The following SNX6 variants were observed in gnomAD, a reference collection of about 807,000 sequenced individuals.
The protein encoded by SNX6 is sorting nexin-6.
SNX6 carries 34 observed loss-of-function variants against 63.0 expected under a neutral mutation model. That is an observed-to-expected ratio of 0.54 (90% CI 0.41 to 0.72). SNX6 has a LOEUF of 0.72. Among genes scored for constraint, SNX6 ranks in the 30% least tolerant of loss-of-function variants. SNX6 has a pLI of 0.00. For synonymous variants in SNX6, 170 were observed against 164.2 expected (o/e 1.04, Z -0.27); for missense variants, 398 against 471.4 (o/e 0.84, Z 1.44).
intron 9 of SNX6, among the ~76,000 whole-genome samples, chr14:34,584,956 G>A (rs1005748157): frequency 2.0e-5 from 3 of 151,786 alleles, no homozygotes; most frequent in Admixed American, 6.6e-5. Flanking sequence ...GGGTTTAAGC[G>A]ATTCTCCTGC....
chr14:34,597,604 GTCT>G lies in SNX6; in HGVS notation c.555_557del (p.Glu185del). ...CTGATTTAACCATGTTTTTAAAGAA[GTCT>G]TCAAGTTTCTCTTTTTTATTTTTTC... On this transcript the variant is annotated inframe_deletion, in exon 7 of 14. Coordinates refer to ENST00000362031, the MANE Select transcript of SNX6 (RefSeq NM_152233.4). 1 of 1,608,122 alleles carries G rather than the reference GTCT, an allele frequency of 6.2e-7. No individual in the cohort carries two copies. Among genetic ancestry groups the G allele is most frequent in the Non-Finnish European group, 8.5e-7 (1 of 1,176,486 alleles).
intron 2 of SNX6, among the ~76,000 whole-genome samples, chr14:34,619,110 T>C (rs1883530038): frequency 6.6e-6 from 1 of 152,078 alleles, no homozygotes; most frequent in Non-Finnish European, 1.5e-5. Context: ...TATGATCAAT[T>C]AAAAACCCCA....
intron 9 of SNX6, among the ~76,000 whole-genome samples, chr14:34,582,974 G>A (rs1394390578): frequency 2.0e-5 from 3 of 151,866 alleles, no homozygotes; most frequent in Non-Finnish European, 2.9e-5. Context: ...AATTAGTGGG[G>A]CACGATGGTG....
At chr14:34,572,743 C>T (rs1462669621) in intron 11 of SNX6, among the ~76,000 whole-genome samples, 4 of 151,872 alleles carry the variant, frequency 2.6e-5, no homozygotes, top group Non-Finnish European at 4.4e-5. Context: ...TGCCGTGGCG[C>T]GATCTCGGCT....
chr14:34,586,382 C>T, intron 8 of SNX6, 77 bp from the exon 9 acceptor site: 1 of 882,906 alleles, frequency 1.1e-6, no homozygotes. Flanking sequence ...ACCTCTCAAA[C>T]AATGTGTAAT....
intron 2 of SNX6, among the ~76,000 whole-genome samples, chr14:34,628,197 C>T (rs999251633): frequency 9.9e-5 from 15 of 151,948 alleles, no homozygotes; most frequent in Admixed American, 2.0e-4. Context: ...TGGTGGCTCA[C>T]GCCTATAATC....
chr14:34,603,514 CT>C, intron 5 of SNX6, 43 bp from the exon 6 acceptor site: 2 of 1,500,410 alleles, frequency 1.3e-6, no homozygotes, highest in East Asian at 4.9e-5. Flanking sequence ...ACTCCATCAA[CT>C]AAAAAGTCAC....
intron 11 of SNX6, among the ~76,000 whole-genome samples, chr14:34,574,610 A>G (rs1156296159): frequency 8.0e-6 from 1 of 124,268 alleles, no homozygotes; most frequent in Non-Finnish European, 1.6e-5. Context: ...ACAGAGTGAG[A>G]CTCCATCTCA....
In SNX6 at chr14:34,614,352, G is replaced by C. The variant is rs573068825; in HGVS notation, c.55-4610C>G. Among the ~76,000 whole-genome samples, 33 of 151,770 alleles carry C rather than the reference G, an allele frequency of 2.2e-4. 1 individual carries two copies. The highest frequency in any genetic ancestry group is 6.8e-3 in the Middle Eastern group (2 of 294). On this transcript the variant is annotated intron_variant, in intron 2 of 13. Transcript: ENST00000362031. ...CCCAGCTAGCTGAGACAGGAGGATT[G>C]CTTGAACTCAGGAGGTCGAGGCTGC... is the stretch of plus-strand genomic sequence containing the variant.
At chr14:34,615,252 A>G (rs1883374552) in intron 2 of SNX6, among the ~76,000 whole-genome samples, 1 of 152,180 alleles carries the variant, frequency 6.6e-6, no homozygotes, top group South Asian at 2.1e-4. Context: ...TTTACATACA[A>G]TAAAATACAG....
Position 34,629,945 on chromosome 14 carries a change from C to G in SNX6, c.16G>C (p.Asp6His), listed in dbSNP as rs1474065599. MMEGLDDGPDFLSEED... is the reference protein window; with the variant it reads MMEGLHDGPDFLSEED... Reference sequence around the variant, plus strand: ...TCTGAGAGGAAGTCCGGGCCGTCGTCCAGGCCTTCCTGTGGGGTCGGCGGG... The same window carrying G: ...TCTGAGAGGAAGTCCGGGCCGTCGTGCAGGCCTTCCTGTGGGGTCGGCGGG... The change falls in exon 2 of 14, where the codon GAC (aspartate) becomes CAC (histidine). Residue 6 changes from aspartate to histidine, a missense_variant. By Grantham distance (81) the Asp-to-His change is moderately conservative. Transcript: ENST00000362031. The G allele has an allele frequency of 6.5e-7, 1 of 1,547,368 alleles. No homozygotes were observed. Among genetic ancestry groups the G allele is most frequent in the South Asian group, 1.2e-5 (1 of 82,762 alleles).
intron 11 of SNX6, among the ~76,000 whole-genome samples, chr14:34,571,744 G>T (rs1234039268): frequency 2.0e-5 from 3 of 152,138 alleles, no homozygotes; most frequent in Non-Finnish European, 2.9e-5. Context: ...CCATTGTATG[G>T]CTATATAACA....
At chr14:34,615,355 G>T (rs1883378772) in intron 2 of SNX6, among the ~76,000 whole-genome samples, 1 of 151,948 alleles carries the variant, frequency 6.6e-6, no homozygotes, top group African/African-American at 2.4e-5. Context: ...CTAAGCAATT[G>T]GGACCACAGG....
intron 7 of SNX6, among the ~76,000 whole-genome samples, chr14:34,595,728 A>T (rs1438205310): frequency 2.0e-5 from 3 of 151,476 alleles, no homozygotes; most frequent in Non-Finnish European, 4.4e-5. Context: ...CTGAAAAATC[A>T]GAGTATAAAT....
chr14:34,588,265 C>A (rs1347609836), intron 8 of SNX6, among the ~76,000 whole-genome samples: 3 of 152,060 alleles, frequency 2.0e-5, no homozygotes, highest in Non-Finnish European at 4.4e-5. Context: ...CCTTAGCTTC[C>A]CAAAGTGCTG....
chr14:34,586,908 C>T (rs990166940), intron 8 of SNX6, among the ~76,000 whole-genome samples: 3 of 145,092 alleles, frequency 2.1e-5, no homozygotes, highest in Non-Finnish European at 4.5e-5. Context: ...ACTGGAAAGG[C>T]TGAGGCAGGA....
intron 2 of SNX6, among the ~76,000 whole-genome samples, chr14:34,618,054 A>T (rs1381393234): frequency 6.6e-6 from 1 of 152,168 alleles, no homozygotes; most frequent in African/African-American, 2.4e-5. Flanking sequence ...ATGTAGAGAG[A>T]TGGATGAGTG....
chr14:34,582,762 C>CA (rs1183728333), intron 9 of SNX6, among the ~76,000 whole-genome samples: 1 of 151,248 alleles, frequency 6.6e-6, no homozygotes, highest in Non-Finnish European at 1.5e-5. Flanking sequence ...AGGCTGGTCT[C>CA]AAACTCCTGG....
In SNX6 at chr14:34,584,735, T is replaced by C. The variant is rs147821830; in HGVS notation, c.794+1495A>G. Among the ~76,000 whole-genome samples the C allele has an allele frequency of 5.8e-3, 885 of 151,706 alleles. 6 individuals carry two copies. The highest frequency in any genetic ancestry group is 0.02 in the African/African-American group (813 of 41,260). ...GCCCATTTTCATAAATAAAACACAG[T>C]TGGGGAGGAAGAAAAAAAAATATAT... On this transcript the variant is annotated intron_variant, in intron 9 of 13. Coordinates refer to ENST00000362031, the MANE Select transcript of SNX6 (RefSeq NM_152233.4).
Sources: gnomAD v4.1 joint callset for allele counts (sites outside exome capture counted in the v4.1 genomes callset) on GRCh38, gnomAD v4.1.1 for gene constraint, MANE v1.5 for transcripts, NCBI Gene and HGNC (gene_info 2026-07-23, HGNC 2026-07-21) for gene names.